LRCH1: variants seen among roughly 807,000 people sequenced by gnomAD.
LRCH1 encodes the protein leucine rich repeats and calponin homology domain containing 1.
In LRCH1, 23 loss-of-function variants were observed where a neutral mutation model predicts 94.9. The ratio of observed to expected loss-of-function variants is 0.24; its 90% CI spans 0.17 to 0.34. The LOEUF (loss-of-function observed/expected upper bound fraction) is 0.34, where lower values mean the gene tolerates loss of function less well. LRCH1 is among the 10% of genes least tolerant of loss of function. The pLI is 1.00. For missense variants in LRCH1, 790 were observed against 945.9 expected (o/e 0.84, Z 2.16); for synonymous variants, 364 against 354.9 (o/e 1.03, Z -0.29).
chr13:46,734,877 G>A (rs1026734312), intron 19 of LRCH1, among the ~76,000 whole-genome samples: 2 of 152,208 alleles, frequency 1.3e-5, no homozygotes, highest in African/African-American at 2.4e-5. Flanking sequence ...TTGAGTATAT[G>A]AAGAGTTATA....
intron 18 of LRCH1, among the ~76,000 whole-genome samples, chr13:46,733,457 T>C (rs918613470): frequency 6.6e-6 from 1 of 152,148 alleles, no homozygotes; most frequent in Non-Finnish European, 1.5e-5. Context: ...GATGGGGAAG[T>C]TGATGTTTAT....
At chr13:46,556,035 T>C (rs2050061475) in intron 1 of LRCH1, among the ~76,000 whole-genome samples, 1 of 152,214 alleles carries the variant, frequency 6.6e-6, no homozygotes, top group African/African-American at 2.4e-5. Context: ...ATAATAAAGA[T>C]AGTGGTTTCT....
intron 8 of LRCH1, among the ~76,000 whole-genome samples, chr13:46,693,245 A>T (rs930024745): frequency 6.6e-6 from 1 of 152,190 alleles, no homozygotes; most frequent in Non-Finnish European, 1.5e-5. Context: ...GGCTCAACAC[A>T]ATCCAAATTA....
At chr13:46,694,817 A>G in intron 8 of LRCH1, 76 bp from the exon 9 acceptor site, 3 of 1,502,430 alleles carry the variant, frequency 2.0e-6, no homozygotes, top group Non-Finnish European at 2.8e-6. Flanking sequence ...TGATTAGATC[A>G]TATTTGAAGA....
intron 1 of LRCH1, among the ~76,000 whole-genome samples, chr13:46,585,994 T>G (rs2050431235): frequency 6.6e-6 from 1 of 152,334 alleles, no homozygotes; most frequent in Admixed American, 6.5e-5. Flanking sequence ...TCATGAGTAT[T>G]GGGGAAAAAT....
intron 1 of LRCH1, among the ~76,000 whole-genome samples, chr13:46,594,535 G>C (rs899797577): frequency 6.6e-6 from 1 of 152,178 alleles, no homozygotes; most frequent in Admixed American, 6.6e-5. Flanking sequence ...ACCAAATCAG[G>C]CCACCTCCTT....
chr13:46,558,236 GGC>G (rs2050088107), intron 1 of LRCH1, among the ~76,000 whole-genome samples: 1 of 152,186 alleles, frequency 6.6e-6, no homozygotes, highest in Non-Finnish European at 1.5e-5. Context: ...TGAGGCCCAA[GGC>G]AGGTCAAGGT....
chr13:46,732,325 A>T (rs1257396353), intron 18 of LRCH1, among the ~76,000 whole-genome samples: 2 of 152,208 alleles, frequency 1.3e-5, no homozygotes, highest in Admixed American at 6.5e-5. Context: ...TGACAATTTG[A>T]TAAGCAAAAC....
intron 3 of LRCH1, among the ~76,000 whole-genome samples, chr13:46,677,743 C>T (rs1427990732): frequency 6.6e-6 from 1 of 152,146 alleles, no homozygotes; most frequent in Non-Finnish European, 1.5e-5. Flanking sequence ...AGTTCAAATT[C>T]TCTATTTTGT....
rs1260932476 is a variant in LRCH1, at chr13:46,743,498, T to C, written c.*1650T>C. On this transcript the variant is annotated 3_prime_UTR_variant, in exon 20 of 20. Coordinates refer to ENST00000389797, the MANE Select transcript of LRCH1 (RefSeq NM_001164211.2). ...GTACTGAATTACTTTTGGTGCTATC[T>C]TGTACTCTTCAATCTGTAACACAAT... is the stretch of plus-strand genomic sequence containing the variant. The C allele has an allele frequency of 6.1e-6, 6 of 985,752 alleles. No individual in the cohort carries two copies. The highest frequency in any genetic ancestry group is 5.2e-4 in the Middle Eastern group (1 of 1,936). 61.1% of individuals were successfully genotyped at this position (985,752 alleles called of 1,614,324 possible).
chr13:46,702,785 C>G (rs1871548757), intron 11 of LRCH1, among the ~76,000 whole-genome samples: 1 of 152,164 alleles, frequency 6.6e-6, no homozygotes, highest in Non-Finnish European at 1.5e-5. Context: ...CAGAGGCTCT[C>G]CATCCTAGTG....
At chr13:46,683,931 A>G (rs2138146082) in intron 4 of LRCH1, among the ~76,000 whole-genome samples, 1 of 152,192 alleles carries the variant, frequency 6.6e-6, no homozygotes, top group South Asian at 2.1e-4. Flanking sequence ...AAGACCATTG[A>G]AAATACTTTC....
chr13:46,623,577 A>T (rs904943914), intron 1 of LRCH1, among the ~76,000 whole-genome samples: 3 of 151,244 alleles, frequency 2.0e-5, no homozygotes, highest in Admixed American at 2.0e-4. Context: ...TCCTCTAGGG[A>T]TATGTTTAAG....
At chr13:46,707,390 C>T (rs919920177) in intron 13 of LRCH1, among the ~76,000 whole-genome samples, 1 of 152,214 alleles carries the variant, frequency 6.6e-6, no homozygotes, top group Non-Finnish European at 1.5e-5. Flanking sequence ...TTTGGGGCCA[C>T]ACACTATGTC....
chr13:46,606,729 G>A (rs531377803), intron 1 of LRCH1, among the ~76,000 whole-genome samples: 103 of 152,144 alleles, frequency 6.8e-4, no homozygotes, highest in African/African-American at 2.1e-3. Flanking sequence ...GGGCCACTAC[G>A]CTCGGCCAAT....
At chr13:46,651,286 C>T (rs1312426346) in intron 2 of LRCH1, among the ~76,000 whole-genome samples, 1 of 152,196 alleles carries the variant, frequency 6.6e-6, no homozygotes, top group Non-Finnish European at 1.5e-5. Flanking sequence ...GGTATAATGT[C>T]AGTGGTTTTT....
At chr13:46,701,292 C>T (rs1279967416) in intron 11 of LRCH1, 85 bp downstream of exon 11, 2 of 958,472 alleles carry the variant, frequency 2.1e-6, no homozygotes, top group Non-Finnish European at 1.6e-6. Flanking sequence ...CCTAAAATAC[C>T]TACACAGACG....
intron 2 of LRCH1, among the ~76,000 whole-genome samples, chr13:46,659,134 A>G (rs943733940): frequency 1.3e-5 from 2 of 151,652 alleles, no homozygotes; most frequent in African/African-American, 2.4e-5. Flanking sequence ...ATTGTTCACA[A>G]TTTTTTTTCT....
At position 46,686,024 on chromosome 13, in the gene LRCH1, C is replaced by A; in HGVS notation, c.805C>A (p.Gln269Lys). Reference sequence around the variant, plus strand: ...GTTACTACTTGAGAATAACCCTCTGCAGTCTCCTCCAGCACAGGTGAGGGG... The same window carrying A: ...GTTACTACTTGAGAATAACCCTCTGAAGTCTCCTCCAGCACAGGTGAGGGG... The part of the protein sequence containing the change: ...QVLLLENNPL[Q>K]SPPAQICTKG... The change falls in exon 5 of 20, where the codon CAG (glutamine) becomes AAG (lysine). Residue 269 changes from glutamine to lysine, a missense_variant. Around this residue, in one of 3 missense-constraint regions of LRCH1, gnomAD observed 194 missense variants for 293.5 expected, o/e 0.66. Coordinates refer to ENST00000389797, the MANE Select transcript of LRCH1 (RefSeq NM_001164211.2). 1 of 1,602,242 alleles carries A rather than the reference C, an allele frequency of 6.2e-7. No homozygotes were observed. Among genetic ancestry groups the A allele is most frequent in the Non-Finnish European group, 8.5e-7 (1 of 1,175,656 alleles).
Sources: allele counts gnomAD v4.1 joint callset (sites outside exome capture counted in the v4.1 genomes callset), GRCh38; gene constraint gnomAD v4.1.1; regional missense constraint gnomAD v4.1.1; transcripts MANE v1.5; gene names NCBI Gene and HGNC (gene_info 2026-07-23, HGNC 2026-07-21).